Variants in TMEM30A observed in about 807,000 individuals in gnomAD.
TMEM30A encodes the protein cell division cycle 50 P4-ATPase accessory subunit A, also known as cell cycle control protein 50A.
In TMEM30A, 24 loss-of-function variants were observed where a neutral mutation model predicts 38.2. The observed-to-expected ratio is 0.63, with a 90% CI of 0.46 to 0.88. The LOEUF (loss-of-function observed/expected upper bound fraction) is 0.88. Ranked by LOEUF, TMEM30A falls within the 40% of genes least tolerant of loss-of-function variation. The pLI is 0.00. For missense variants in TMEM30A, 370 were observed against 458.6 expected (o/e 0.81, Z 1.77); for synonymous variants, 145 against 161.6 (o/e 0.90, Z 0.78).
At chr6:75,260,742 T>A in intron 4 of TMEM30A, 82 bp downstream of exon 4, 1 of 795,874 alleles carries the variant, frequency 1.3e-6, no homozygotes, top group Non-Finnish European at 1.9e-6. Context: ...ATTTCATTCA[T>A]GTTTACTAAA....
chr6:75,259,121 A>T, intron 5 of TMEM30A, 135 bp from the exon 6 acceptor site: 2 of 858,132 alleles, frequency 2.3e-6, no homozygotes, highest in East Asian at 2.7e-5. Flanking sequence ...AAAATATTAT[A>T]GCTGAAATGC....
At chr6:75,256,430 T>C in intron 6 of TMEM30A, 135 bp from the exon 7 acceptor site, 2 of 593,358 alleles carry the variant, frequency 3.4e-6, no homozygotes, top group Non-Finnish European at 5.3e-6. Context: ...TCCTACGTTC[T>C]AAATCACACA....
At position 75,259,013 on chromosome 6, in the gene TMEM30A, G is replaced by C. The variant is rs751483800; in HGVS notation, c.686-27C>G. On this transcript the variant is annotated intron_variant, in intron 5 of 6. Transcript: ENST00000230461. The stretch of plus-strand genomic sequence containing the variant: ...TTAAAAGGAGTGGGGAGGGGATAAG[G>C]AGACAAAATATTACATTGTGAAATT... 3.2e-6 allele frequency: 5 copies of C among 1,575,802 alleles called. No individual in the cohort carries two copies. In the South Asian group the frequency reaches 4.5e-5, roughly 14 times the overall value.
chr6:75,277,818 G>T (rs1055451498), intron 1 of TMEM30A, among the ~76,000 whole-genome samples: 1 of 152,134 alleles, frequency 6.6e-6, no homozygotes, highest in African/African-American at 2.4e-5. Flanking sequence ...AGGTGGAAGG[G>T]TTGCTTGAGC....
chr6:75,262,644 CA>C (rs5877446), intron 3 of TMEM30A, among the ~76,000 whole-genome samples: 122,025 of 144,710 alleles, frequency 0.84, 51,846 homozygotes, highest in Non-Finnish European at 0.92. Flanking sequence ...GACTCCGTCT[CA>C]AAAAAAAAAA....
At chr6:75,273,351 G>T (rs986892434) in intron 1 of TMEM30A, among the ~76,000 whole-genome samples, 3 of 152,062 alleles carry the variant, frequency 2.0e-5, no homozygotes, top group South Asian at 4.1e-4. Flanking sequence ...CCATCATGAC[G>T]TAATCATTCA....
chr6:75,266,472 G>A (rs1772068643), intron 2 of TMEM30A, among the ~76,000 whole-genome samples: 2 of 152,158 alleles, frequency 1.3e-5, no homozygotes, highest in South Asian at 4.1e-4. Flanking sequence ...AACTGAAAAA[G>A]AGATTATTTG....
At position 75,254,213 on chromosome 6, in the gene TMEM30A, T is replaced by C. The variant is rs565777007; in HGVS notation, c.*1889A>G. Reference sequence around the variant, plus strand: ...CTGAAAGGGCTCTTCAACTTTTCTTTAGCGACATCCTCTGTGCCCCAGTTA... The same window carrying C: ...CTGAAAGGGCTCTTCAACTTTTCTTCAGCGACATCCTCTGTGCCCCAGTTA... On this transcript the variant is annotated 3_prime_UTR_variant, in exon 7 of 7. Coordinates refer to ENST00000230461, the MANE Select transcript of TMEM30A (RefSeq NM_018247.4). The C allele has an allele frequency of 4.6e-5, 7 of 152,104 alleles. No homozygotes were observed. Among genetic ancestry groups the C allele is most frequent in the Non-Finnish European group, 8.8e-5 (6 of 68,006 alleles). 9.4% of individuals were successfully genotyped at this position (152,104 alleles called of 1,614,324 possible).
In TMEM30A at chr6:75,256,097, T is replaced by C. The variant is rs1236030901; in HGVS notation, c.*5A>G. ...ATGCAGATGATTTGCTTTCATAATA[T>C]AAAATTAAATGGTAATGTCAGCTGT... On this transcript the variant is annotated 3_prime_UTR_variant, in exon 7 of 7. Coordinates refer to ENST00000230461, the MANE Select transcript of TMEM30A (RefSeq NM_018247.4). The C allele has an allele frequency of 3.8e-6, 6 of 1,588,078 alleles. No homozygotes were observed. The highest frequency in any genetic ancestry group is 1.7e-5 in the Admixed American group (1 of 58,736).
At chr6:75,262,732 T>A (rs73451769) in intron 3 of TMEM30A, among the ~76,000 whole-genome samples, 18 of 152,120 alleles carry the variant, frequency 1.2e-4, no homozygotes, top group African/African-American at 4.3e-4. Context: ...TACTAGGTGC[T>A]AAAAACAGAA....
chr6:75,273,840 T>C (rs1772215736), intron 1 of TMEM30A, among the ~76,000 whole-genome samples: 1 of 152,214 alleles, frequency 6.6e-6, no homozygotes, highest in African/African-American at 2.4e-5. Flanking sequence ...CATAATACCA[T>C]TCAGATGACC....
chr6:75,276,548 GAA>G (rs34577471), intron 1 of TMEM30A, among the ~76,000 whole-genome samples: 28,358 of 152,106 alleles, frequency 0.19, 2,833 homozygotes, highest in Middle Eastern at 0.26. Context: ...GGTGTGTAGG[GAA>G]AAATTTCCAC....
chr6:75,261,282 T>C (rs999210144), intron 3 of TMEM30A, among the ~76,000 whole-genome samples: 17 of 152,338 alleles, frequency 1.1e-4, no homozygotes, highest in Middle Eastern at 6.8e-3. Flanking sequence ...AATCTTAAAC[T>C]GGAACTAAAG....
chr6:75,279,442 T>C (rs990982519), intron 1 of TMEM30A, among the ~76,000 whole-genome samples: 5 of 152,068 alleles, frequency 3.3e-5, no homozygotes, highest in South Asian at 4.1e-4. Context: ...CTAAAGCACA[T>C]AGTTCCTATC....
intron 3 of TMEM30A, among the ~76,000 whole-genome samples, chr6:75,264,214 T>C (rs1562389386): frequency 6.6e-6 from 1 of 152,146 alleles, no homozygotes; most frequent in African/African-American, 2.4e-5. Flanking sequence ...AGCAGTTATA[T>C]TTTACATTTC....
intron 1 of TMEM30A, among the ~76,000 whole-genome samples, chr6:75,281,335 A>C (rs973626477): frequency 6.6e-6 from 1 of 152,146 alleles, no homozygotes; most frequent in African/African-American, 2.4e-5. Context: ...TGCCTGACTC[A>C]CAATTGCCAA....
At position 75,259,963 on chromosome 6, in the gene TMEM30A, T is replaced by TA. The variant is rs537549988; in HGVS notation, c.542-474dup. Among the ~76,000 whole-genome samples the TA allele has an allele frequency of 7.7e-4, 117 of 152,318 alleles. 2 individuals are homozygous for TA. The East Asian group carries it at 0.017, about 22-fold the overall frequency. On this transcript the variant is annotated intron_variant, in intron 4 of 6. Transcript: ENST00000230461. The stretch of plus-strand genomic sequence containing the variant: ...CACATCAGATATCAAAGACTTAGTA[T>TA]AAAAAATTAGAATATGAAGTATCTC...
rs1219717771 is a variant in TMEM30A, at chr6:75,255,927, T to C, written c.*175A>G. The C allele has an allele frequency of 1.9e-6, 1 of 517,622 alleles. No homozygotes were observed. The highest frequency in any genetic ancestry group is 3.4e-6 in the Non-Finnish European group (1 of 292,672). The allele number at this position is 517,622 out of a possible 1,614,324, so 32.1% of individuals were successfully genotyped here. A position where few individuals can be genotyped will look rare whatever the true frequency, so the allele number is the denominator to read the frequency against. ...ATAGCTAATTTTTTTATACCCGTCA[T>C]ATATTTTTAGAAGTCATCCGTAGGG... On this transcript the variant is annotated 3_prime_UTR_variant, in exon 7 of 7. Coordinates refer to ENST00000230461, the MANE Select transcript of TMEM30A (RefSeq NM_018247.4).
intron 1 of TMEM30A, among the ~76,000 whole-genome samples, chr6:75,276,989 GTTCTTTA>G (rs371740105): frequency 0.012 from 1,810 of 151,996 alleles, 49 homozygotes; most frequent in African/African-American, 0.041. Context: ...CCCTCTTTTG[GTTCTTTA>G]TTCAAATGCC....
Sources: gnomAD v4.1 joint callset for allele counts (sites outside exome capture counted in the v4.1 genomes callset) on GRCh38, gnomAD v4.1.1 for gene constraint, MANE v1.5 for transcripts, NCBI Gene and HGNC (gene_info 2026-07-23, HGNC 2026-07-21) for gene names.